The following FAM90A20 variants were observed in gnomAD, a reference collection of about 807,000 sequenced individuals.
FAM90A20 encodes family with sequence similarity 90 member A20.
At chr8:7,297,018 C>G in the FAM90A20 span, 141 of 1,437,798 alleles carry the variant, frequency 9.8e-5, 12 homozygotes, top group Non-Finnish European at 1.2e-4. Context: ...CATGTTGGCT[C>G]CATGCTGAGG....
the FAM90A20 span, chr8:7,297,032 T>C: frequency 7.5e-6 from 11 of 1,462,862 alleles, 1 homozygote; most frequent in Non-Finnish European, 9.1e-6. Flanking sequence ...GCTGAGGAAC[T>C]TCTAACCTGT....
the FAM90A20 span, chr8:7,295,027 G>A: frequency 3.7e-5 from 1 of 27,264 alleles, no homozygotes; most frequent in African/African-American, 5.6e-3. Flanking sequence ...ATGGCACGTC[G>A]GGACCCCACA....
At chr8:7,296,946 T>A in the FAM90A20 span, 1 of 906,080 alleles carries the variant, frequency 1.1e-6, no homozygotes. Flanking sequence ...AAGGACCGCC[T>A]GTCGATACTG....
At chr8:7,296,872 A>C in the FAM90A20 span, among the ~76,000 whole-genome samples, 1 of 136,842 alleles carries the variant, frequency 7.3e-6, no homozygotes, top group Admixed American at 6.7e-5. Flanking sequence ...ACATAGCTCG[A>C]TAGCGCATCG....
At chr8:7,296,088 C>A in the FAM90A20 span, among the ~76,000 whole-genome samples, 1 of 130,604 alleles carries the variant, frequency 7.7e-6, no homozygotes, top group Non-Finnish European at 1.5e-5. Context: ...GAATCCAAAT[C>A]ACAGTCCTTA....
the FAM90A20 span, chr8:7,296,196 C>G: frequency 9.6e-5 from 63 of 653,466 alleles, 10 homozygotes; most frequent in Admixed American, 1.1e-3. Context: ...TTCTGTATCA[C>G]AAGACACGGA....
chr8:7,297,442 A>C, the FAM90A20 span: 147 of 1,553,238 alleles, frequency 9.5e-5, 14 homozygotes, highest in Non-Finnish European at 1.2e-4. Flanking sequence ...AGCCCTGCCC[A>C]TCAGCCGCCA....
chr8:7,297,449 G>C, the FAM90A20 span: 1 of 1,552,022 alleles, frequency 6.4e-7, no homozygotes, highest in East Asian at 2.2e-5. Flanking sequence ...CCCATCAGCC[G>C]CCACACACAG....
chr8:7,297,553 G>C, the FAM90A20 span: 3 of 1,519,964 alleles, frequency 2.0e-6, no homozygotes, highest in Non-Finnish European at 8.9e-7. Context: ...CCAAGAAACC[G>C]AGACTGGGTC....
chr8:7,296,182 C>T, the FAM90A20 span: 5 of 648,264 alleles, frequency 7.7e-6, no homozygotes, highest in East Asian at 5.8e-5. Context: ...CACCAGATTT[C>T]CATTTCTGTA....
the FAM90A20 span, chr8:7,297,768 A>G: frequency 4.8e-6 from 7 of 1,470,150 alleles, 1 homozygote; most frequent in African/African-American, 4.1e-5. Flanking sequence ...ACCATGTCCC[A>G]TCACCCAGCG....
the FAM90A20 span, chr8:7,297,741 C>G: frequency 2.3e-4 from 344 of 1,489,594 alleles, 31 homozygotes; most frequent in Middle Eastern, 3.7e-3. Context: ...CCTTGCCTGC[C>G]TACTGCCCAG....
chr8:7,296,469 G>T, the FAM90A20 span: 32 of 685,604 alleles, frequency 4.7e-5, 1 homozygote, highest in Non-Finnish European at 8.0e-5. Flanking sequence ...TCAGCTTCCC[G>T]TCTGCGGGAG....
chr8:7,297,330 A>G, the FAM90A20 span: 1 of 1,369,406 alleles, frequency 7.3e-7, no homozygotes, highest in East Asian at 2.3e-5. Flanking sequence ...AGCAGCCCTG[A>G]GGGTAGCTGC....
At chr8:7,296,392 C>G in the FAM90A20 span, 4 of 747,998 alleles carry the variant, frequency 5.3e-6, 1 homozygote, top group East Asian at 5.0e-5. Context: ...TTCTGATTAT[C>G]TGAGGGTGAG....
At chr8:7,296,956 G>C in the FAM90A20 span, 2 of 1,007,842 alleles carry the variant, frequency 2.0e-6, no homozygotes, top group Admixed American at 2.0e-5. Flanking sequence ...TGTCGATACT[G>C]TACTAAGAAT....
the FAM90A20 span, chr8:7,295,875 C>T: frequency 4.5e-6 from 3 of 659,780 alleles, no homozygotes; most frequent in Admixed American, 2.1e-5. Context: ...GTACTGCCTC[C>T]TAAGGACATG....
the FAM90A20 span, chr8:7,297,132 G>T: frequency 7.9e-6 from 12 of 1,518,794 alleles, 1 homozygote; most frequent in South Asian, 1.1e-5. Flanking sequence ...CTCTCTGGTC[G>T]CTCAGCTACC....
chr8:7,296,375 C>G, the FAM90A20 span: 7 of 744,464 alleles, frequency 9.4e-6, no homozygotes, highest in African/African-American at 4.9e-5. Flanking sequence ...AAAGGATCCA[C>G]GGAATCTTCT....
Sources: allele counts gnomAD v4.1 joint callset (sites outside exome capture counted in the v4.1 genomes callset), GRCh38; gene constraint gnomAD v4.1.1; transcripts MANE v1.5; gene names NCBI Gene and HGNC (gene_info 2026-07-23, HGNC 2026-07-21).